Variants in ACOXL observed in about 807,000 individuals in gnomAD.
ACOXL encodes the protein acyl-CoA oxidase like, also known as acyl-coenzyme A oxidase-like protein.
In ACOXL, 70 loss-of-function variants were observed where a neutral mutation model predicts 71.9. The observed-to-expected ratio is 0.97, with a 90% CI of 0.80 to 1.19. The LOEUF (loss-of-function observed/expected upper bound fraction) is 1.19. ACOXL is among the 50% of genes most tolerant of loss of function. The pLI, the probability that ACOXL is intolerant of heterozygous loss-of-function variation, is 0.00. For missense variants in ACOXL, 703 were observed against 736.3 expected (o/e 0.95, Z 0.52); for synonymous variants, 253 against 281.6 (o/e 0.90, Z 1.02).
intron 10 of ACOXL, among the ~76,000 whole-genome samples, chr2:110,896,912 A>C (rs1191781550): frequency 6.6e-6 from 1 of 152,172 alleles, no homozygotes; most frequent in East Asian, 1.9e-4. Context: ...TTCGTCCACC[A>C]AAAGTAGAGT....
chr2:110,948,413 T>G (rs1400158408), intron 12 of ACOXL, among the ~76,000 whole-genome samples: 2 of 152,192 alleles, frequency 1.3e-5, no homozygotes, highest in Non-Finnish European at 2.9e-5. Context: ...GACTAACTCC[T>G]CAGGGACATT....
chr2:111,067,724 A>G (rs2067141123), intron 16 of ACOXL, among the ~76,000 whole-genome samples: 1 of 152,258 alleles, frequency 6.6e-6, no homozygotes, highest in South Asian at 2.1e-4. Flanking sequence ...AAAATCTAAA[A>G]GTTTCATAAC....
chr2:111,041,604 G>A (rs753570227), intron 15 of ACOXL, among the ~76,000 whole-genome samples: 6 of 125,314 alleles, frequency 4.8e-5, no homozygotes, highest in South Asian at 2.6e-4. Flanking sequence ...GGCTGCCCCC[G>A]GCTCTACACC....
At chr2:110,977,250 G>C (rs1460505351) in intron 12 of ACOXL, among the ~76,000 whole-genome samples, 40 of 151,990 alleles carry the variant, frequency 2.6e-4, no homozygotes, top group Admixed American at 2.6e-3. Context: ...GCCAGGCGTG[G>C]TGGCAGGTGC....
chr2:110,776,408 G>T (rs1191113131), intron 2 of ACOXL, among the ~76,000 whole-genome samples: 1 of 152,176 alleles, frequency 6.6e-6, no homozygotes, highest in East Asian at 1.9e-4. Flanking sequence ...AAAAATAGTT[G>T]AAATAGTAAA....
intron 1 of ACOXL, among the ~76,000 whole-genome samples, chr2:110,759,575 G>A (rs1304681974): frequency 6.6e-6 from 1 of 152,058 alleles, no homozygotes; most frequent in East Asian, 1.9e-4. Context: ...CTTTGCACAT[G>A]GATAGGTCTC....
chr2:111,094,966 A>C (rs1377723870), intron 17 of ACOXL, among the ~76,000 whole-genome samples: 1 of 152,146 alleles, frequency 6.6e-6, no homozygotes, highest in Non-Finnish European at 1.5e-5. Context: ...GGCTTCCAGG[A>C]ATGAGAAAGT....
Position 110,968,165 on chromosome 2 carries a change from A to G in ACOXL, c.1060-18943A>G, listed in dbSNP as rs1453283264. 47 of 1,224,532 alleles carry G rather than the reference A, an allele frequency of 3.8e-5. 1 individual carries two copies. Among genetic ancestry groups the G allele is most frequent in the South Asian group, 2.6e-4 (22 of 83,180 alleles). The allele number at this position is 1,224,532 out of a possible 1,614,324, so 75.9% of individuals were successfully genotyped here. ...CTGCTGCTGGCCCGCAGGCTTCTCA[A>G]TAGGTTTGGCACAGACAACATCTAT... On this transcript the variant is annotated intron_variant, in intron 12 of 17. Coordinates refer to ENST00000439055, the MANE Select transcript of ACOXL (RefSeq NM_001142807.4).
intron 11 of ACOXL, among the ~76,000 whole-genome samples, chr2:110,909,535 A>C (rs2059578977): frequency 6.6e-6 from 1 of 152,088 alleles, no homozygotes; most frequent in South Asian, 2.1e-4. Context: ...GAAGTAGTGG[A>C]CTGGGAGTGG....
chr2:111,045,446 T>C (rs1574588916), intron 15 of ACOXL, among the ~76,000 whole-genome samples: 1 of 152,050 alleles, frequency 6.6e-6, no homozygotes, highest in Admixed American at 6.5e-5. Flanking sequence ...GATCTGATGG[T>C]TTTATAAGGG....
intron 16 of ACOXL, among the ~76,000 whole-genome samples, chr2:111,072,615 C>A (rs2067394055): frequency 6.6e-6 from 1 of 152,240 alleles, no homozygotes; most frequent in Non-Finnish European, 1.5e-5. Context: ...CTTACCTCAA[C>A]ATTGGCACTG....
At chr2:110,912,804 A>G (rs796289351) in intron 11 of ACOXL, among the ~76,000 whole-genome samples, 1 of 152,316 alleles carries the variant, frequency 6.6e-6, no homozygotes, top group African/African-American at 2.4e-5. Context: ...CACCATCAAG[A>G]AAGTGAAAGA....
At chr2:111,085,749 T>C (rs2149995250) in intron 16 of ACOXL, among the ~76,000 whole-genome samples, 1 of 151,752 alleles carries the variant, frequency 6.6e-6, no homozygotes, top group Middle Eastern at 3.4e-3. Context: ...TGAAGGAGAT[T>C]GAGACATAAA....
chr2:111,085,816 A>G (rs1424546050), intron 16 of ACOXL, among the ~76,000 whole-genome samples: 1 of 152,148 alleles, frequency 6.6e-6, no homozygotes, highest in Non-Finnish European at 1.5e-5. Context: ...TTAATAAGAT[A>G]GCTAGACTAA....
chr2:110,945,121 T>C (rs2061046327), intron 12 of ACOXL, among the ~76,000 whole-genome samples: 1 of 152,260 alleles, frequency 6.6e-6, no homozygotes, highest in Non-Finnish European at 1.5e-5. Context: ...TTTTTTCATA[T>C]GCTTGCTAGC....
chr2:110,838,262 ATG>A (rs1388538875), intron 9 of ACOXL, among the ~76,000 whole-genome samples: 2 of 152,058 alleles, frequency 1.3e-5, no homozygotes, highest in African/African-American at 4.8e-5. Context: ...GGACGAGTGT[ATG>A]TGTGTGTGCC....
chr2:110,759,442 G>A (rs1680102155), intron 1 of ACOXL, among the ~76,000 whole-genome samples: 3 of 152,228 alleles, frequency 2.0e-5, no homozygotes, highest in Non-Finnish European at 4.4e-5. Context: ...GCCCTTCTTT[G>A]TCTTTTATAA....
At chr2:110,935,860 G>A (rs1177169111) in intron 12 of ACOXL, among the ~76,000 whole-genome samples, 2 of 151,950 alleles carry the variant, frequency 1.3e-5, no homozygotes, top group Admixed American at 1.3e-4. Flanking sequence ...TTTGGGGGTG[G>A]GGGGTGCGGG....
chr2:110,797,931 A>T (rs1168828695), intron 5 of ACOXL, among the ~76,000 whole-genome samples: 2 of 152,230 alleles, frequency 1.3e-5, no homozygotes, highest in Non-Finnish European at 2.9e-5. Context: ...TTTATACATT[A>T]AAGCCAGGCA....
Sources: gnomAD v4.1 joint callset for allele counts (sites outside exome capture counted in the v4.1 genomes callset) on GRCh38, gnomAD v4.1.1 for gene constraint, MANE v1.5 for transcripts, NCBI Gene and HGNC (gene_info 2026-07-23, HGNC 2026-07-21) for gene names.